SNX30: variants seen among roughly 807,000 people sequenced by gnomAD.
SNX30 encodes sorting nexin-30.
In SNX30, 24 loss-of-function variants were observed where a neutral mutation model predicts 46.4. The ratio of observed to expected loss-of-function variants is 0.52; its 90% confidence interval spans 0.37 to 0.73. SNX30 has a LOEUF of 0.73. Among genes scored for constraint, SNX30 ranks in the 30% least tolerant of loss-of-function variants. The probability of loss-of-function intolerance (pLI) is 0.00; values close to 1 mark genes in which losing one functional copy is unlikely to be tolerated. For synonymous variants in SNX30, 189 were observed against 211.5 expected, an observed-to-expected ratio of 0.89 and a Z score of 0.92; for missense variants, 533 against 555.7, an observed-to-expected ratio of 0.96 and a Z score of 0.41.
intron 1 of SNX30, among the ~76,000 whole-genome samples, chr9:112,779,430 C>T (rs149188701): frequency 1.3e-5 from 2 of 152,114 alleles, no homozygotes; most frequent in African/African-American, 4.8e-5. Context: ...GGCATGGTGG[C>T]GCATGCCTGT....
downstream of SNX30, among the ~76,000 whole-genome samples, chr9:112,884,173 G>C (rs1588149321): frequency 1.3e-5 from 2 of 152,194 alleles, no homozygotes; most frequent in East Asian, 1.9e-4. Context: ...GGCTCACTTT[G>C]GTACCAGGAA....
At chr9:112,817,401 C>CCTTTT (rs1840414195) in intron 2 of SNX30, among the ~76,000 whole-genome samples, 6 of 46,832 alleles carry the variant, frequency 1.3e-4, no homozygotes, top group African/African-American at 4.9e-4. Context: ...AAAAAACTGG[C>CCTTTT]TTTTTTTTTT....
At chr9:112,855,827 A>G (rs1236354083) in intron 7 of SNX30, among the ~76,000 whole-genome samples, 1 of 152,134 alleles carries the variant, frequency 6.6e-6, no homozygotes. Flanking sequence ...ACATGCACTT[A>G]CTTAGCAGGG....
At chr9:112,773,587 C>G (rs1839689276) in intron 1 of SNX30, among the ~76,000 whole-genome samples, 1 of 151,822 alleles carries the variant, frequency 6.6e-6, no homozygotes, top group African/African-American at 2.4e-5. Context: ...CTTAAATATT[C>G]AGAAAGTAAA....
intron 6 of SNX30, among the ~76,000 whole-genome samples, chr9:112,842,595 T>C (rs987280327): frequency 1.3e-5 from 2 of 152,222 alleles, no homozygotes; most frequent in Admixed American, 6.5e-5. Context: ...TGAGTAAATC[T>C]TTTCTCTGTT....
intron 6 of SNX30, among the ~76,000 whole-genome samples, chr9:112,850,517 G>T (rs9299211): frequency 1.3e-5 from 2 of 152,186 alleles, no homozygotes; most frequent in African/African-American, 4.8e-5. Flanking sequence ...GCACAGCCGG[G>T]CTCTGGCTGC....
rs576559872 is a variant in SNX30, at chr9:112,821,417, A to G, written c.459+3602A>G. ...TTTCAAATTTTATATATATGTGTGT[A>G]TATATATATGTGTGTTTGTATATAT... On this transcript the variant is annotated intron_variant, in intron 3 of 8. Coordinates refer to ENST00000374232, the MANE Select transcript of SNX30 (RefSeq NM_001012994.2). Among the ~76,000 whole-genome samples the G allele has an allele frequency of 5.9e-5, 9 of 151,506 alleles. No homozygotes were observed. In the East Asian group the frequency reaches 9.7e-4, roughly 16 times the overall value.
At chr9:112,772,588 C>G (rs886645231) in intron 1 of SNX30, among the ~76,000 whole-genome samples, 1 of 152,170 alleles carries the variant, frequency 6.6e-6, no homozygotes, top group Non-Finnish European at 1.5e-5. Flanking sequence ...CAGTCTGACT[C>G]TGAAGAACAA....
At chr9:112,836,685 C>A (rs373672228) in intron 5 of SNX30, among the ~76,000 whole-genome samples, 30 of 152,304 alleles carry the variant, frequency 2.0e-4, no homozygotes, top group African/African-American at 6.5e-4. Flanking sequence ...GCTCTCTTAA[C>A]TTTAGCTTTA....
Position 112,836,421 on chromosome 9 carries a change from G to A in SNX30, c.814+12G>A, listed in dbSNP as rs1840752731. On this transcript the variant is annotated intron_variant, in intron 5 of 8. Transcript: ENST00000374232. The stretch of plus-strand genomic sequence containing the variant: ...CAAAGAAGAAATAGGTGAGCTGTCT[G>A]TTGAGGTCTCGATTATGCCCTGCAG... The A allele has an allele frequency of 1.9e-6, 3 of 1,584,478 alleles. No individual in the cohort carries two copies. The East Asian group carries it at 6.8e-5, about 36-fold the overall frequency.
At position 112,775,545 on chromosome 9, in the gene SNX30, TGTGTGTGTGTGTG is replaced by T. The variant is rs1839732450; in HGVS notation, c.156+24389_156+24401del. Among the ~76,000 whole-genome samples the T allele has an allele frequency of 1.1e-4, 7 of 64,448 alleles. 1 individual carries two copies. The South Asian group carries it at 1.5e-3, about 13-fold the overall frequency. The allele number at this position is 64,448 out of a possible 152,430, so 42.3% of individuals were successfully genotyped here. ...GCTTGTCCTTTTTATTTTAAATTTG[TGTGTGTGTGTGTG>T]TGTGTGTGTGTGTGTGTGTGTGTGT... is the stretch of plus-strand genomic sequence containing the variant. On this transcript the variant is annotated intron_variant, in intron 1 of 8. Coordinates refer to ENST00000374232, the MANE Select transcript of SNX30 (RefSeq NM_001012994.2).
chr9:112,813,589 C>T (rs753937501), intron 2 of SNX30, among the ~76,000 whole-genome samples: 3 of 151,712 alleles, frequency 2.0e-5, no homozygotes, highest in African/African-American at 4.8e-5. Context: ...CTGCCTCAGC[C>T]TCCAGAGTAC....
downstream of SNX30, among the ~76,000 whole-genome samples, chr9:112,882,755 A>G (rs1841596731): frequency 6.6e-6 from 1 of 152,094 alleles, no homozygotes; most frequent in African/African-American, 2.4e-5. Flanking sequence ...AGATCATGAG[A>G]TTGGAAAGAC....
At chr9:112,868,429 A>G (rs1841395327) in intron 8 of SNX30, among the ~76,000 whole-genome samples, 1 of 152,094 alleles carries the variant, frequency 6.6e-6, no homozygotes, top group African/African-American at 2.4e-5. Context: ...CCCTGCCGAG[A>G]TTCTAGGGAC....
chr9:112,758,067 C>T (rs1031605401), intron 1 of SNX30, among the ~76,000 whole-genome samples: 3 of 152,158 alleles, frequency 2.0e-5, no homozygotes, highest in African/African-American at 4.8e-5. Flanking sequence ...ATTGCCTCAC[C>T]TTCCACCTTA....
chr9:112,826,632 G>A (rs1420531590), intron 3 of SNX30, among the ~76,000 whole-genome samples: 1 of 152,088 alleles, frequency 6.6e-6, no homozygotes, highest in Non-Finnish European at 1.5e-5. Flanking sequence ...TTTCCACAGG[G>A]GCTAAGGAAT....
At chr9:112,753,124 G>A (rs1839301854) in intron 1 of SNX30, among the ~76,000 whole-genome samples, 1 of 152,160 alleles carries the variant, frequency 6.6e-6, no homozygotes, top group Admixed American at 6.5e-5. Flanking sequence ...TATACCAAGA[G>A]GTGGGGATCA....
intron 4 of SNX30, among the ~76,000 whole-genome samples, chr9:112,834,492 G>A (rs572532128): frequency 2.0e-5 from 3 of 152,270 alleles, no homozygotes; most frequent in Middle Eastern, 3.4e-3. Context: ...TGCATTGGGC[G>A]AGGCGTGGGG....
intron 2 of SNX30, among the ~76,000 whole-genome samples, chr9:112,812,679 G>A (rs1840338151): frequency 2.0e-5 from 3 of 152,328 alleles, no homozygotes; most frequent in Non-Finnish European, 2.9e-5. Flanking sequence ...TTGTGTGTGT[G>A]TGAGACTATA....
Sources: gnomAD v4.1 joint callset for allele counts (sites outside exome capture counted in the v4.1 genomes callset) on GRCh38, gnomAD v4.1.1 for gene constraint, MANE v1.5 for transcripts, NCBI Gene and HGNC (gene_info 2026-07-23, HGNC 2026-07-21) for gene names.